PSMC1: variants seen among roughly 807,000 people sequenced by gnomAD.
PSMC1 encodes proteasome 26S subunit, ATPase 1.
Under a neutral mutation model 49.8 loss-of-function variants are expected in PSMC1, and 5 were observed. The ratio of observed to expected loss-of-function variants is 0.10; its 90% confidence interval spans 0.05 to 0.21. The LOEUF (loss-of-function observed/expected upper bound fraction) is 0.21, where lower values mean the gene tolerates loss of function less well. Ranked by LOEUF, PSMC1 falls within the 10% of genes least tolerant of loss-of-function variation. PSMC1 has a pLI of 1.00. For missense variants in PSMC1, 181 were observed against 535.7 expected, an observed-to-expected ratio of 0.34 and a Z score of 6.54; for synonymous variants, 155 against 192.1, an observed-to-expected ratio of 0.81 and a Z score of 1.60.
chr14:90,270,110 T>G, intron 9 of PSMC1, 88 bp from the exon 10 acceptor site: 1 of 1,387,050 alleles, frequency 7.2e-7, no homozygotes, highest in Non-Finnish European at 9.8e-7. Context: ...TGAAACTTCG[T>G]ATGTAAGGAG....
Position 90,256,577 on chromosome 14 carries a change from A to C in PSMC1, c.-21A>C. On this transcript the variant is annotated 5_prime_UTR_variant, in exon 1 of 11. Transcript: ENST00000261303. Reference sequence around the variant, plus strand: ...TGGTGGAGGAACTTCCGGCAGCGGCAGCTCAAGTGGCCAAGGCAAGATGGT... The same window carrying C: ...TGGTGGAGGAACTTCCGGCAGCGGCCGCTCAAGTGGCCAAGGCAAGATGGT... The C allele has an allele frequency of 6.3e-7, 1 of 1,585,960 alleles. No individual in the cohort carries two copies. The highest frequency in any genetic ancestry group is 8.6e-7 in the Non-Finnish European group (1 of 1,166,024).
At position 90,268,276 on chromosome 14, in the gene PSMC1, G is replaced by C; in HGVS notation, c.744G>C (p.Leu248Phe). ...CAAACCAAACCTCAGCCACTTTCTT[G>C]AGAGTGGTTGGCTCTGAACTTATTC... is the stretch of plus-strand genomic sequence containing the variant. ...AVANQTSATF[L>F]RVVGSELIQK... is the part of the protein sequence containing the mutation. Residue 248 changes from leucine to phenylalanine, a missense_variant, in exon 8 of 11, where the codon TTG (leucine) becomes TTC (phenylalanine). By Grantham distance (22) the Leu-to-Phe change is conservative. Transcript: ENST00000261303. The C allele has an allele frequency of 6.2e-7, 1 of 1,609,736 alleles. No individual in the cohort carries two copies. The highest frequency in any genetic ancestry group is 8.5e-7 in the Non-Finnish European group (1 of 1,177,918).
At chr14:90,258,839 C>T (rs1405996013) in intron 1 of PSMC1, among the ~76,000 whole-genome samples, 2 of 152,188 alleles carry the variant, frequency 1.3e-5, no homozygotes, top group African/African-American at 4.8e-5. Context: ...TCCATATTTT[C>T]CCCTCAAGAG....
chr14:90,256,935 C>A (rs900294953), intron 1 of PSMC1, among the ~76,000 whole-genome samples: 9 of 152,062 alleles, frequency 5.9e-5, no homozygotes, highest in Non-Finnish European at 1.3e-4. Context: ...CTGGGAGTTT[C>A]GGGGGCGCCT....
rs1891720074 is a variant in PSMC1 at position 90,273,452 on chromosome 14, G to A, written c.*1045G>A. 1.3e-5 allele frequency: 2 copies of A among 152,266 alleles called. No individual in the cohort carries two copies. The highest frequency in any genetic ancestry group is 4.8e-5 in the African/African-American group (2 of 41,440). 9.4% of individuals were successfully genotyped at this position (152,266 alleles called of 1,614,324 possible). ...AGGTGCCTGTAGTCCCAGCTACTCAGGAGGCTGAGGCAGGACAATCGCTTG... is the reference window on the plus strand; with the variant it reads ...AGGTGCCTGTAGTCCCAGCTACTCAAGAGGCTGAGGCAGGACAATCGCTTG... On this transcript the variant is annotated 3_prime_UTR_variant, in exon 11 of 11. Transcript: ENST00000261303.
At chr14:90,259,273 G>C in intron 2 of PSMC1, 60 bp downstream of exon 2, 2 of 1,522,080 alleles carry the variant, frequency 1.3e-6, no homozygotes, top group Non-Finnish European at 1.8e-6. Context: ...CATGGGTCTC[G>C]GCTGAGAAGT....
intron 7 of PSMC1, 121 bp downstream of exon 7, chr14:90,265,287 C>A: frequency 1.6e-6 from 1 of 628,666 alleles, no homozygotes; most frequent in Non-Finnish European, 2.7e-6. Context: ...TAAAACAGGG[C>A]TGCTCAACCT....
Position 90,272,276 on chromosome 14 carries a change from A to G in PSMC1, c.1192A>G (p.Ile398Val). 6.2e-7 allele frequency: 1 copy of G among 1,602,430 alleles called. No individual in the cohort carries two copies. The highest frequency in any genetic ancestry group is 8.5e-7 in the Non-Finnish European group (1 of 1,177,768). ...DDLSGADIKA[I>V]CTEAGLMALR... ...AACACACTCTTCTTTCTTACAGGCAATCTGTACAGAAGCTGGTCTGATGGC... is the reference window on the plus strand; with the variant it reads ...AACACACTCTTCTTTCTTACAGGCAGTCTGTACAGAAGCTGGTCTGATGGC... The change falls in exon 11 of 11, where the codon ATC becomes GTC. Residue 398 changes from isoleucine (I) to valine (V), a missense_variant. By Grantham distance (29) the Ile-to-Val change is conservative. Coordinates refer to ENST00000261303, the MANE Select transcript of PSMC1 (RefSeq NM_002802.3). The surrounding 1 kb of genome is among the most constrained non-coding windows in gnomAD (Gnocchi z 4.5).
In PSMC1 at chr14:90,264,160, G is replaced by A; in HGVS notation, c.585G>A (p.Gln195=). 1 of 1,612,238 alleles carries A rather than the reference G, an allele frequency of 6.2e-7. No homozygotes were observed. Among genetic ancestry groups the A allele is most frequent in the Non-Finnish European group, 8.5e-7 (1 of 1,179,582 alleles). Residue 195 remains glutamine, a synonymous_variant, in exon 6 of 11, where the codon CAG becomes CAA. Coordinates refer to ENST00000261303, the MANE Select transcript of PSMC1 (RefSeq NM_002802.3). ...ADIGGLDNQI[Q]EIKESVELPL... is the part of the protein sequence containing the mutation. ...TTGGGGGGTTGGACAACCAAATTCAGGAAATTAAGGTATGATTGATTGGTA... is the reference window on the plus strand; with the variant it reads ...TTGGGGGGTTGGACAACCAAATTCAAGAAATTAAGGTATGATTGATTGGTA...
rs922694442 is a variant in PSMC1 at position 90,272,961 on chromosome 14, G to A, written c.*554G>A. The A allele has an allele frequency of 1.3e-5, 2 of 152,198 alleles. No individual in the cohort carries two copies. The highest frequency in any genetic ancestry group is 6.5e-5 in the Admixed American group (1 of 15,286). The allele number at this position is 152,198 out of a possible 1,614,324, so 9.4% of individuals were successfully genotyped here. ...CTCTGAGGGCAGAAAATAACTACTG[G>A]TGTTCCCAAGAGACTGAGGATTCCT... On this transcript the variant is annotated 3_prime_UTR_variant, in exon 11 of 11. Transcript: ENST00000261303. The surrounding 1 kb of genome is among the most constrained non-coding windows in gnomAD (Gnocchi z 4.5).
At position 90,268,457 on chromosome 14, in the gene PSMC1, C is replaced by T. The variant is rs772214892; in HGVS notation, c.881+44C>T. ...ATTTTGCCTTGTTTAGTAGGGAACA[C>T]CGCATAGCTCTTCTCTTGAGAATGA... On this transcript the variant is annotated intron_variant, in intron 8 of 10. Transcript: ENST00000261303. 5.1e-6 allele frequency: 8 copies of T among 1,570,954 alleles called. No individual in the cohort carries two copies. The African/African-American group carries it at 6.8e-5, about 13-fold the overall frequency.
intron 1 of PSMC1, 137 bp downstream of exon 1, chr14:90,256,737 G>C: frequency 7.1e-7 from 1 of 1,399,488 alleles, no homozygotes; most frequent in South Asian, 1.2e-5. Flanking sequence ...TCTTCTCGGC[G>C]GGTGGAGGCT....
In PSMC1 at chr14:90,274,822, A is replaced by ACACACACACACACAC. The variant is rs1566678067; in HGVS notation, c.*2416_*2430dup. 8.6e-5 allele frequency: 10 copies of ACACACACACACACAC among 116,404 alleles called. No individual in the cohort carries two copies. Among genetic ancestry groups the ACACACACACACACAC allele is most frequent in the African/African-American group, 3.9e-4 (10 of 25,762 alleles). The allele number at this position is 116,404 out of a possible 1,614,324, so 7.2% of individuals were successfully genotyped here. A position where few individuals can be genotyped will look rare whatever the true frequency, so the allele number is the denominator to read the frequency against. The stretch of plus-strand genomic sequence containing the variant: ...CACACACACACACACACACACACAC[A>ACACACACACACACAC]CACACACACACACACACCCCAATAC... On this transcript the variant is annotated 3_prime_UTR_variant, in exon 11 of 11. Transcript: ENST00000261303.
chr14:90,262,469 T>G (rs979773086), intron 3 of PSMC1, among the ~76,000 whole-genome samples: 3 of 152,102 alleles, frequency 2.0e-5, no homozygotes, highest in African/African-American at 7.2e-5. Context: ...TTGAAGTAAC[T>G]TGGAAAACCC....
In PSMC1 at chr14:90,263,778, C is replaced by T. The variant is rs145373245; in HGVS notation, c.396C>T (p.Tyr132=). 3.4e-4 allele frequency: 551 copies of T among 1,613,442 alleles called. 3 individuals carry two copies. The African/African-American group carries it at 6.3e-3, about 18-fold the overall frequency. Residue 132 remains tyrosine (Y), a synonymous_variant, in exon 5 of 11, where the codon TAC becomes TAT. Coordinates refer to ENST00000261303, the MANE Select transcript of PSMC1 (RefSeq NM_002802.3). ...IVSTSVGSEH[Y]VSILSFVDKD... ...CTACATCTGTGGGCTCAGAACACTACGTCAGCATTCTTTCATTTGTAGACA... is the reference window on the plus strand; with the variant it reads ...CTACATCTGTGGGCTCAGAACACTATGTCAGCATTCTTTCATTTGTAGACA...
intron 9 of PSMC1, 127 bp from the exon 10 acceptor site, chr14:90,270,071 G>T: frequency 1.0e-6 from 1 of 959,002 alleles, no homozygotes; most frequent in Non-Finnish European, 1.5e-6. Context: ...TTAAAATTTA[G>T]ACATCCTTCC....
chr14:90,266,365 T>A (rs1405471902), intron 7 of PSMC1, among the ~76,000 whole-genome samples: 1 of 152,186 alleles, frequency 6.6e-6, no homozygotes, highest in Admixed American at 6.5e-5. Flanking sequence ...CACAGTCATT[T>A]GAGAGAATTG....
At chr14:90,268,438 C>A (rs780335031) in intron 8 of PSMC1, 25 bp downstream of exon 8, 2 of 1,610,896 alleles carry the variant, frequency 1.2e-6, no homozygotes, top group East Asian at 4.5e-5. Context: ...ACTTATTTTG[C>A]CTTGTTTAGT....
intron 7 of PSMC1, among the ~76,000 whole-genome samples, chr14:90,267,129 TTTTC>T (rs1276941243): frequency 6.0e-5 from 9 of 150,334 alleles, no homozygotes; most frequent in Admixed American, 2.0e-4. Context: ...CTTGTTTTTC[TTTTC>T]TTTTTTTTTT....
Sources: gnomAD v4.1 joint callset for allele counts (sites outside exome capture counted in the v4.1 genomes callset) on GRCh38, gnomAD v4.1.1 for gene constraint, Gnocchi (gnomAD v3.1) non-coding constraint, MANE v1.5 for transcripts, NCBI Gene and HGNC (gene_info 2026-07-23, HGNC 2026-07-21) for gene names.